ZNG1F: variants seen among roughly 807,000 people sequenced by gnomAD.
ZNG1F encodes the protein zinc-regulated GTPase metalloprotein activator 1F.
the ZNG1F span, among the ~76,000 whole-genome samples, chr9:41,143,984 G>C: frequency 3.6e-4 from 12 of 33,694 alleles, 6 homozygotes; most frequent in Non-Finnish European, 9.5e-4. Flanking sequence ...TGAGGGGTGA[G>C]AACTACTGAA....
At chr9:41,141,117 C>CA in the ZNG1F span, among the ~76,000 whole-genome samples, 1 of 150,996 alleles carries the variant, frequency 6.6e-6, no homozygotes, top group Admixed American at 6.6e-5. Flanking sequence ...CAGTATGAGA[C>CA]AAAAAAGGCT....
chr9:41,164,527 C>G, the ZNG1F span: 1 of 67,952 alleles, frequency 1.5e-5, no homozygotes, highest in African/African-American at 4.0e-5. Context: ...CCACTTGAGT[C>G]AGGGAAGACT....
At chr9:41,144,959 TAG>T in the ZNG1F span, among the ~76,000 whole-genome samples, 1 of 60,644 alleles carries the variant, frequency 1.6e-5, no homozygotes, top group South Asian at 7.3e-4. Flanking sequence ...AGACTGCCTA[TAG>T]AACCCCCAGG....
the ZNG1F span, among the ~76,000 whole-genome samples, chr9:41,203,287 C>G: frequency 6.6e-6 from 1 of 152,190 alleles, no homozygotes; most frequent in African/African-American, 2.4e-5. Context: ...TCATCATACT[C>G]TAGCTCACAG....
chr9:41,184,213 C>T, the ZNG1F span, among the ~76,000 whole-genome samples: 5 of 148,986 alleles, frequency 3.4e-5, no homozygotes, highest in African/African-American at 7.4e-5. Context: ...CCAAGGCGGG[C>T]GGATAACGAG....
At chr9:41,151,852 C>T in the ZNG1F span, among the ~76,000 whole-genome samples, 54 of 141,686 alleles carry the variant, frequency 3.8e-4, no homozygotes, top group South Asian at 9.3e-4. Context: ...CTGAAGGAAG[C>T]GCTAAACATG....
At chr9:41,164,906 T>C in the ZNG1F span, 2 of 1,143,116 alleles carry the variant, frequency 1.7e-6, no homozygotes, top group South Asian at 2.6e-5. Flanking sequence ...AGGTCAACCT[T>C]ATACCTTAAG....
the ZNG1F span, among the ~76,000 whole-genome samples, chr9:41,187,152 T>C: frequency 1.4e-5 from 2 of 146,806 alleles, no homozygotes; most frequent in South Asian, 2.2e-4. Context: ...CTTTAAGACA[T>C]AGTTCATTCA....
chr9:41,156,135 G>A, the ZNG1F span, among the ~76,000 whole-genome samples: 5 of 132,618 alleles, frequency 3.8e-5, no homozygotes, highest in Admixed American at 3.9e-4. Context: ...GTTTGGTGTA[G>A]AAGTGTTAAC....
the ZNG1F span, among the ~76,000 whole-genome samples, chr9:41,156,153 C>T: frequency 7.6e-6 from 1 of 132,214 alleles, no homozygotes; most frequent in African/African-American, 3.1e-5. Context: ...AACGATTAGC[C>T]TCTAAAATTA....
the ZNG1F span, among the ~76,000 whole-genome samples, chr9:41,183,911 T>C: frequency 2.0e-5 from 3 of 147,836 alleles, no homozygotes; most frequent in African/African-American, 7.5e-5. Context: ...ACATACCTAC[T>C]TCCTCCTTAG....
chr9:41,174,456 A>G, the ZNG1F span: 2 of 1,327,784 alleles, frequency 1.5e-6, no homozygotes, highest in Admixed American at 2.7e-5. Flanking sequence ...AGGTAAACAC[A>G]TATATCTTCT....
At chr9:41,184,014 G>A in the ZNG1F span, among the ~76,000 whole-genome samples, 1 of 149,714 alleles carries the variant, frequency 6.7e-6, no homozygotes, top group East Asian at 2.0e-4. Flanking sequence ...TTTATATACT[G>A]GATTCTGTAT....
the ZNG1F span, chr9:41,183,492 G>C: frequency 6.9e-7 from 1 of 1,447,120 alleles, no homozygotes; most frequent in Non-Finnish European, 9.3e-7. Flanking sequence ...AATTACTCAA[G>C]AAAATTAAAG....
At chr9:41,166,087 G>GA in the ZNG1F span, among the ~76,000 whole-genome samples, 1 of 47,088 alleles carries the variant, frequency 2.1e-5, no homozygotes, top group Non-Finnish European at 4.2e-5. Flanking sequence ...TTTTCATAAG[G>GA]AAAAAAGTTA....
At chr9:41,138,598 G>A in the ZNG1F span, among the ~76,000 whole-genome samples, 1 of 26,384 alleles carries the variant, frequency 3.8e-5, no homozygotes, top group Non-Finnish European at 6.8e-5. Context: ...TCTTCCTCAG[G>A]AATGCCGGTT....
chr9:41,155,285 C>T, the ZNG1F span, among the ~76,000 whole-genome samples: 1 of 150,416 alleles, frequency 6.6e-6, no homozygotes, highest in Non-Finnish European at 1.5e-5. Flanking sequence ...CAGAGAAATG[C>T]AAATCAAAAC....
At chr9:41,144,812 AT>A in the ZNG1F span, among the ~76,000 whole-genome samples, 5 of 135,394 alleles carry the variant, frequency 3.7e-5, no homozygotes, top group Non-Finnish European at 6.4e-5. Flanking sequence ...AGGGATTAGA[AT>A]TTTAGAGCAT....
chr9:41,160,430 G>GT, the ZNG1F span, among the ~76,000 whole-genome samples: 3 of 17,392 alleles, frequency 1.7e-4, 1 homozygote, highest in Admixed American at 9.7e-4. Flanking sequence ...TTGTTTGTTT[G>GT]TTTTTTTTTT....
Sources: gnomAD v4.1 joint callset for allele counts (sites outside exome capture counted in the v4.1 genomes callset) on GRCh38, gnomAD v4.1.1 for gene constraint, MANE v1.5 for transcripts, NCBI Gene and HGNC (gene_info 2026-07-23, HGNC 2026-07-21) for gene names.